ZFYVE9: variants seen among roughly 807,000 people sequenced by gnomAD.
The protein encoded by ZFYVE9 is zinc finger FYVE-type containing 9.
Under a neutral mutation model 126.7 loss-of-function variants are expected in ZFYVE9, and 43 were observed. That is an observed-to-expected ratio of 0.34 (90% CI 0.27 to 0.44). The LOEUF is 0.44. Ranked by LOEUF, ZFYVE9 falls within the 20% of genes least tolerant of loss-of-function variation. ZFYVE9 has a pLI of 1.00. For synonymous variants in ZFYVE9, 521 were observed against 597.4 expected (o/e 0.87, Z 1.87); for missense variants, 1,476 against 1,697.0 (o/e 0.87, Z 2.29).
chr1:52,277,109 A>G (rs1030019569), intron 8 of ZFYVE9, among the ~76,000 whole-genome samples: 3 of 152,242 alleles, frequency 2.0e-5, no homozygotes, highest in Non-Finnish European at 4.4e-5. Context: ...CTTAGGGTTC[A>G]GATTTTTATT....
chr1:52,200,602 A>G lies in ZFYVE9; in HGVS notation c.-142-15767A>G, dbSNP rs139078255. Among the ~76,000 whole-genome samples the G allele has an allele frequency of 4.7e-4, 72 of 152,252 alleles. 1 individual carries two copies. The East Asian group carries it at 0.013, about 28-fold the overall frequency. On this transcript the variant is annotated intron_variant, in intron 1 of 18. Transcript: ENST00000287727. ...AAATCAAAGGTCATCTAGATTTTCT[A>G]CTGTTATCTTCTAGCAGTTTAATAG...
intron 1 of ZFYVE9, among the ~76,000 whole-genome samples, chr1:52,168,288 C>T (rs1644532275): frequency 7.0e-6 from 1 of 142,980 alleles, no homozygotes; most frequent in African/African-American, 2.7e-5. Context: ...GCGATCTCAG[C>T]TTACTGCAAC....
At chr1:52,164,937 G>A (rs931118759) in intron 1 of ZFYVE9, among the ~76,000 whole-genome samples, 4 of 152,196 alleles carry the variant, frequency 2.6e-5, no homozygotes, top group African/African-American at 9.6e-5. Context: ...TGGGGAAGGG[G>A]AGATGGGGAT....
chr1:52,272,424 C>T (rs975690982), intron 7 of ZFYVE9, among the ~76,000 whole-genome samples: 1 of 152,176 alleles, frequency 6.6e-6, no homozygotes, highest in African/African-American at 2.4e-5. Context: ...TCTGTCCCTA[C>T]AGATTAGTTT....
At chr1:52,177,661 G>A (rs531457675) in intron 1 of ZFYVE9, among the ~76,000 whole-genome samples, 5 of 152,318 alleles carry the variant, frequency 3.3e-5, no homozygotes, top group Admixed American at 3.3e-4. Flanking sequence ...TGGAGAGATC[G>A]AGGAAAGCTT....
At chr1:52,319,622 CA>C (rs199998342) in intron 13 of ZFYVE9, among the ~76,000 whole-genome samples, 6 of 142,134 alleles carry the variant, frequency 4.2e-5, no homozygotes, top group Admixed American at 7.0e-5. Context: ...AACTCCATCT[CA>C]AAAAAAAAAT....
intron 10 of ZFYVE9, among the ~76,000 whole-genome samples, chr1:52,282,272 C>G (rs1020995713): frequency 6.6e-6 from 1 of 151,844 alleles, no homozygotes; most frequent in African/African-American, 2.4e-5. Context: ...AAAGTAAAAG[C>G]ATAGAGGTTA....
chr1:52,316,165 C>CA (rs367815611), intron 13 of ZFYVE9, among the ~76,000 whole-genome samples: 1,306 of 39,200 alleles, frequency 0.033, 183 homozygotes, highest in African/African-American at 0.062. Flanking sequence ...AACTCCATCT[C>CA]AAAAAAAAAA....
chr1:52,234,196 A>G (rs1645251633), intron 3 of ZFYVE9, among the ~76,000 whole-genome samples: 1 of 152,132 alleles, frequency 6.6e-6, no homozygotes, highest in Non-Finnish European at 1.5e-5. Context: ...TGTGTTCTCT[A>G]TTTCTAACAG....
intron 9 of ZFYVE9, among the ~76,000 whole-genome samples, chr1:52,280,877 A>G (rs1161289212): frequency 6.6e-6 from 1 of 152,192 alleles, no homozygotes; most frequent in Admixed American, 6.5e-5. Flanking sequence ...CAACCTGAAG[A>G]TAAAGCTATA....
intron 1 of ZFYVE9, among the ~76,000 whole-genome samples, chr1:52,194,658 T>C (rs1644844820): frequency 6.6e-6 from 1 of 152,156 alleles, no homozygotes; most frequent in Admixed American, 6.5e-5. Flanking sequence ...ACAGCATGTT[T>C]GGTGGAAAAC....
chr1:52,198,084 G>A (rs566870447), intron 1 of ZFYVE9, among the ~76,000 whole-genome samples: 1 of 150,534 alleles, frequency 6.6e-6, no homozygotes, highest in Non-Finnish European at 1.5e-5. Flanking sequence ...GATTTTCTTT[G>A]GGTTGTCATT....
chr1:52,270,190 C>A (rs1255902037), intron 7 of ZFYVE9, among the ~76,000 whole-genome samples: 2 of 152,218 alleles, frequency 1.3e-5, no homozygotes, highest in African/African-American at 4.8e-5. Flanking sequence ...GCAATTATCA[C>A]ATGAGATGGA....
intron 9 of ZFYVE9, among the ~76,000 whole-genome samples, chr1:52,280,214 C>CA (rs747397812): frequency 0.093 from 7,619 of 81,930 alleles, 510 homozygotes; most frequent in African/African-American, 0.21. Context: ...TCATCCCTAC[C>CA]AAAAAAAAAA....
chr1:52,163,541 T>C (rs775388256), intron 1 of ZFYVE9, among the ~76,000 whole-genome samples: 26 of 152,356 alleles, frequency 1.7e-4, no homozygotes, highest in Non-Finnish European at 2.8e-4. Context: ...CTGTTAGAGA[T>C]GATTTAGTTT....
intron 4 of ZFYVE9, among the ~76,000 whole-genome samples, chr1:52,263,089 A>AG (rs1645595388): frequency 1.3e-5 from 2 of 151,204 alleles, no homozygotes; most frequent in Admixed American, 1.3e-4. Context: ...AAAAAAAAAA[A>AG]AAAAAAAAGA....
chr1:52,336,329 C>G (rs1160442380), intron 15 of ZFYVE9, among the ~76,000 whole-genome samples: 2 of 149,036 alleles, frequency 1.3e-5, no homozygotes, highest in Non-Finnish European at 3.0e-5. Context: ...CAGAAACATG[C>G]CGTTAACAAA....
rs765969826 is a variant in ZFYVE9 at position 52,239,011 on chromosome 1, G to A, written c.1594G>A (p.Gly532Arg). The A allele has an allele frequency of 1.3e-5, 21 of 1,613,826 alleles. No individual in the cohort carries two copies. The highest frequency in any genetic ancestry group is 1.2e-4 in the Admixed American group (7 of 59,964). ...AGGAAATGAGGCCACAGAAGGGAGT[G>A]GACTACTTTTAAACAGCACTGGTGA... ...QRGNEATEGS[G>R]LLLNSTGDLM... The change falls in exon 4 of 19, where the codon GGA becomes AGA. Residue 532 changes from glycine (G) to arginine (R), a missense_variant. By Grantham distance (125) the Gly-to-Arg change is moderately radical. Around this residue, in one of 2 missense-constraint regions of ZFYVE9, gnomAD observed 807 missense variants for 794.6 expected, o/e 1.02. Coordinates refer to ENST00000287727, the MANE Select transcript of ZFYVE9 (RefSeq NM_004799.4).
chr1:52,310,324 A>G (rs1172607001), intron 13 of ZFYVE9, among the ~76,000 whole-genome samples: 1 of 152,174 alleles, frequency 6.6e-6, no homozygotes, highest in Non-Finnish European at 1.5e-5. Context: ...TTTAGTATGT[A>G]CCAGGCACTA....
Sources: allele counts gnomAD v4.1 joint callset (sites outside exome capture counted in the v4.1 genomes callset), GRCh38; gene constraint gnomAD v4.1.1; regional missense constraint gnomAD v4.1.1; transcripts MANE v1.5; gene names NCBI Gene and HGNC (gene_info 2026-07-23, HGNC 2026-07-21).